DDX27: variants seen among roughly 807,000 people sequenced by gnomAD.
DDX27 encodes the protein DEAD-box helicase 27.
DDX27 carries 42 observed loss-of-function variants against 99.3 expected under a neutral mutation model. The observed-to-expected ratio is 0.42, with a 90% CI of 0.33 to 0.55. The LOEUF is 0.55. Ranked by LOEUF, DDX27 falls within the 20% of genes least tolerant of loss-of-function variation. The pLI, the probability that DDX27 is intolerant of heterozygous loss-of-function variation, is 0.07. For missense variants in DDX27, 798 were observed against 976.8 expected (o/e 0.82, Z 2.44); for synonymous variants, 329 against 353.8 (o/e 0.93, Z 0.79).
intron 19 of DDX27, among the ~76,000 whole-genome samples, chr20:49,243,197 T>TA (rs1441360676): frequency 2.0e-4 from 31 of 152,280 alleles, no homozygotes; most frequent in African/African-American, 7.2e-4. Context: ...GGTGTTCAGT[T>TA]AGCACTGTTC....
intron 7 of DDX27, among the ~76,000 whole-genome samples, chr20:49,228,006 A>G (rs1442111023): frequency 1.3e-5 from 2 of 150,680 alleles, no homozygotes; most frequent in African/African-American, 2.4e-5. Flanking sequence ...ATGCCCGGCT[A>G]ATTTTTGTAT....
At chr20:49,239,658 G>A (rs1980413348) in intron 16 of DDX27, among the ~76,000 whole-genome samples, 1 of 152,178 alleles carries the variant, frequency 6.6e-6, no homozygotes, top group African/African-American at 2.4e-5. Flanking sequence ...ACGTCCTGCT[G>A]TGCAGCCTGG....
At position 49,236,509 on chromosome 20, in the gene DDX27, A is replaced by G. The variant is rs144893277; in HGVS notation, c.1686A>G (p.Gln562=). The G allele has an allele frequency of 2.2e-4, 349 of 1,577,784 alleles. No individual in the cohort carries two copies. In the African/African-American group the frequency reaches 4.2e-3, roughly 19 times the overall value. Residue 562 remains glutamine, a splice_region_variant and synonymous_variant, in exon 14 of 21, where the codon CAA becomes CAG. Coordinates refer to ENST00000618172, the MANE Select transcript of DDX27 (RefSeq NM_017895.8). The surrounding 1 kb of genome is among the most constrained non-coding windows in gnomAD (Gnocchi z 4.1). ...KAPVKARILP[Q]DVILKFRDKI... ...CTGTGAAGGCCAGGATACTTCCCCA[A>G]GGTGAGCAGGCACCCCTGTGGCAGT...
chr20:49,235,324 A>G lies in DDX27; in HGVS notation c.1427+236A>G, dbSNP rs1056144933. 2.7e-5 allele frequency: 11 copies of G among 414,698 alleles called. No homozygotes were observed. The East Asian group carries it at 3.9e-4, about 15-fold the overall frequency. The allele number at this position is 414,698 out of a possible 1,614,324, so 25.7% of individuals were successfully genotyped here. On this transcript the variant is annotated intron_variant, in intron 12 of 20. Transcript: ENST00000618172. ...CTTGGATGCTTGTCCCTAGCATGGG[A>G]GCTGTTGTGTGGCGTGACAGAGGAA... is the stretch of plus-strand genomic sequence containing the variant.
At chr20:49,220,170 ACTC>A (rs1363308285) in intron 1 of DDX27, among the ~76,000 whole-genome samples, 5 of 151,814 alleles carry the variant, frequency 3.3e-5, no homozygotes, top group African/African-American at 9.7e-5. Flanking sequence ...TACAAATTCA[ACTC>A]CTCCAAAGAT....
chr20:49,230,212 G>T lies in DDX27; in HGVS notation c.894G>T (p.Val298=). ...TTCTCTTTGCAGGCGGCTTGGATGT[G>T]AAGTCTCAGGAAGCAGCTCTTCGGG... ...TTCLAVGGLD[V]KSQEAALRAA... Residue 298 remains valine (V), a synonymous_variant, in exon 9 of 21, where the codon GTG becomes GTT. Coordinates refer to ENST00000618172, the MANE Select transcript of DDX27 (RefSeq NM_017895.8). 6.2e-7 allele frequency: 1 copy of T among 1,612,478 alleles called. No homozygotes were observed. The highest frequency in any genetic ancestry group is 8.5e-7 in the Non-Finnish European group (1 of 1,179,770).
chr20:49,225,070 CTT>C (rs1184184510), intron 5 of DDX27, 41 bp from the exon 6 acceptor site: 2 of 1,612,472 alleles, frequency 1.2e-6, no homozygotes, highest in Non-Finnish European at 1.7e-6. Flanking sequence ...TTTCTTGGCT[CTT>C]TTTGTTGAAT....
At chr20:49,227,804 A>G (rs238164) in intron 7 of DDX27, among the ~76,000 whole-genome samples, 34,589 of 150,784 alleles carry the variant, frequency 0.23, 4,239 homozygotes, top group African/African-American at 0.32. Context: ...CTCTGTGACC[A>G]TGGCCTCCTG....
At chr20:49,235,285 A>T (rs1201805425) in intron 12 of DDX27, 197 bp downstream of exon 12, 1 of 513,046 alleles carries the variant, frequency 1.9e-6, no homozygotes, top group African/African-American at 2.0e-5. Context: ...ATAGTCAGAG[A>T]TGACCCTCAT....
At chr20:49,228,661 C>T (rs893740450) in intron 7 of DDX27, 54 bp from the exon 8 acceptor site, 3 of 1,498,670 alleles carry the variant, frequency 2.0e-6, no homozygotes, top group East Asian at 2.5e-5. Flanking sequence ...GAAAACCTAA[C>T]CCTGGAGGGA....
intron 8 of DDX27, among the ~76,000 whole-genome samples, chr20:49,229,434 C>G (rs1980021144): frequency 6.6e-6 from 1 of 152,072 alleles, no homozygotes; most frequent in Non-Finnish European, 1.5e-5. Context: ...TGGTACTGAA[C>G]AAATTTGGGG....
intron 19 of DDX27, among the ~76,000 whole-genome samples, 184 bp downstream of exon 19, chr20:49,242,865 G>A (rs1980527033): frequency 6.6e-6 from 1 of 152,068 alleles, no homozygotes; most frequent in South Asian, 2.1e-4. Flanking sequence ...GGGACTATAG[G>A]CGCACGCCAC....
Position 49,221,896 on chromosome 20 carries a change from C to T in DDX27, c.240+298C>T, listed in dbSNP as rs575418710. Among the ~76,000 whole-genome samples, 195 of 150,484 alleles carry T rather than the reference C, an allele frequency of 1.3e-3. 1 individual carries two copies. Among genetic ancestry groups the T allele is most frequent in the Non-Finnish European group, 2.3e-3 (153 of 67,738 alleles). ...GTATGAGCACTTGCCAGGTGGTCTC[C>T]GGTGGTGTCACTGTGCAGTGTCCCT... On this transcript the variant is annotated intron_variant, in intron 2 of 20. Transcript: ENST00000618172.
Position 49,228,810 on chromosome 20 carries a change from C to T in DDX27, c.802C>T (p.Arg268Ter), listed in dbSNP as rs373447678. Residue 268 changes from arginine to a stop codon, truncating the protein, a stop_gained, in exon 8 of 21, where the codon CGA (arginine) becomes TGA (stop). Transcript: ENST00000618172. LOFTEE classifies it high-confidence loss of function. ...CCGCGTGCTGGTGCTAGTGCCCACC[C>T]GAGAGCTGGGCATCCAGGTGCACTC... ...VTRVLVLVPTRELGIQVHSVT... is the reference protein window; with the variant it reads ...VTRVLVLVPT The T allele has an allele frequency of 5.0e-6, 8 of 1,613,074 alleles. No homozygotes were observed. Among genetic ancestry groups the T allele is most frequent in the Non-Finnish European group, 6.8e-6 (8 of 1,179,490 alleles).
In DDX27 at chr20:49,226,857, CTTTTTTTTT is replaced by C. The variant is rs36048579; in HGVS notation, c.706+337_706+345del. ...CTGGTGCAATTGAGAGAGTAAAGGA[CTTTTTTTTT>C]TTTTTTTTTTTTTTGAGACGGAGTC... On this transcript the variant is annotated intron_variant, in intron 7 of 20. Transcript: ENST00000618172. Among the ~76,000 whole-genome samples, 55 of 63,464 alleles carry C rather than the reference CTTTTTTTTT, an allele frequency of 8.7e-4. 2 individuals carry two copies. Among genetic ancestry groups the C allele is most frequent in the Non-Finnish European group, 1.3e-3 (48 of 36,354 alleles). 41.6% of individuals were successfully genotyped at this position (63,464 alleles called of 152,430 possible).
Position 49,223,449 on chromosome 20 carries a change from G to A in DDX27, c.466+16G>A, listed in dbSNP as rs374970298. The A allele has an allele frequency of 6.2e-6, 10 of 1,600,774 alleles. No individual in the cohort carries two copies. The highest frequency in any genetic ancestry group is 8.5e-6 in the Non-Finnish European group (10 of 1,175,102). ...ACCAAAGCAGGTAGACGTTACGGCG[G>A]AGGTGTCAGTAATGGGGACAGGAGA... On this transcript the variant is annotated intron_variant, in intron 4 of 20. Transcript: ENST00000618172.
At chr20:49,237,296 T>C (rs563736684) in intron 14 of DDX27, among the ~76,000 whole-genome samples, 1 of 152,306 alleles carries the variant, frequency 6.6e-6, no homozygotes, top group African/African-American at 2.4e-5. Flanking sequence ...GCCACTGCAC[T>C]GCAGCCTGGG....
chr20:49,241,825 ACTT>A, intron 16 of DDX27, 65 bp from the exon 17 acceptor site: 1 of 1,530,340 alleles, frequency 6.5e-7, no homozygotes, highest in Non-Finnish European at 9.0e-7. Flanking sequence ...GAAAACGTGC[ACTT>A]CTTATCGTAA....
chr20:49,229,193 G>T (rs1003354925), intron 8 of DDX27, among the ~76,000 whole-genome samples: 1 of 151,978 alleles, frequency 6.6e-6, no homozygotes, highest in African/African-American at 2.4e-5. Context: ...ACCACGCCTG[G>T]CTAATTTTTT....
Sources: gnomAD v4.1 joint callset for allele counts (sites outside exome capture counted in the v4.1 genomes callset) on GRCh38, gnomAD v4.1.1 for gene constraint, Gnocchi (gnomAD v3.1) non-coding constraint, MANE v1.5 for transcripts, NCBI Gene and HGNC (gene_info 2026-07-23, HGNC 2026-07-21) for gene names.